NYAP2: variants seen among roughly 807,000 people sequenced by gnomAD.
NYAP2 encodes the protein neuronal tyrosine-phosphorylated phosphoinositide-3-kinase adaptor 2.
NYAP2 carries 23 observed loss-of-function variants against 50.4 expected under a neutral mutation model. The observed-to-expected ratio is 0.46, with a 90% CI of 0.33 to 0.65. The LOEUF is 0.65. Among genes scored for constraint, NYAP2 ranks in the 30% least tolerant of loss-of-function variants. The pLI is 0.02. For missense variants in NYAP2, 885 were observed against 861.0 expected (o/e 1.03, Z -0.35); for synonymous variants, 394 against 365.2 (o/e 1.08, Z -0.90).
intron 3 of NYAP2, among the ~76,000 whole-genome samples, chr2:225,451,686 A>G (rs1295404570): frequency 1.3e-5 from 2 of 152,212 alleles, no homozygotes; most frequent in Non-Finnish European, 2.9e-5. Context: ...TTACGCAGGT[A>G]CAAGTTTCTG....
chr2:225,506,832 C>T (rs1690715536), intron 3 of NYAP2, among the ~76,000 whole-genome samples: 1 of 152,108 alleles, frequency 6.6e-6, no homozygotes, highest in African/African-American at 2.4e-5. Flanking sequence ...GCTGTAACCA[C>T]CACCATTTCC....
At chr2:225,642,958 C>T (rs1169802383) in intron 6 of NYAP2, among the ~76,000 whole-genome samples, 1 of 152,052 alleles carries the variant, frequency 6.6e-6, no homozygotes, top group East Asian at 1.9e-4. Flanking sequence ...TTGAGTTATG[C>T]ATAATTCTAT....
rs77380299 is a variant in NYAP2 at position 225,497,153 on chromosome 2, G to A, written c.222-16218G>A. Among the ~76,000 whole-genome samples the A allele has an allele frequency of 1.4e-3, 212 of 152,288 alleles. 3 individuals are homozygous for A. The highest frequency in any genetic ancestry group is 9.1e-3 in the Admixed American group (139 of 15,286). ...ATTTTGTAGAAGAAAACCAATCAGG[G>A]AAAGTGCATTGTTCCCAGAAAGCTA... On this transcript the variant is annotated intron_variant, in intron 3 of 6. Transcript: ENST00000636099.
intron 4 of NYAP2, among the ~76,000 whole-genome samples, chr2:225,562,388 A>G (rs958030411): frequency 6.6e-6 from 1 of 152,062 alleles, no homozygotes; most frequent in Non-Finnish European, 1.5e-5. Context: ...TATCTCTATG[A>G]ATTTAGGAAT....
In NYAP2 at chr2:225,624,784, T is replaced by C. The variant is rs75346477; in HGVS notation, c.1619-2133T>C. Among the ~76,000 whole-genome samples the C allele has an allele frequency of 5.4e-3, 815 of 152,274 alleles. 9 individuals carry two copies. Among genetic ancestry groups the C allele is most frequent in the African/African-American group, 0.019 (784 of 41,566 alleles). ...TTTTAAACTGTAGAATATTATCAGA[T>C]TTTTAAAATAAAATCAAGGAAGTTA... On this transcript the variant is annotated intron_variant, in intron 5 of 6. Transcript: ENST00000636099.
At chr2:225,575,805 T>G (rs1320786446) in intron 4 of NYAP2, among the ~76,000 whole-genome samples, 1 of 152,220 alleles carries the variant, frequency 6.6e-6, no homozygotes. Flanking sequence ...GCCAGATGTG[T>G]TCTGGCTTAG....
At chr2:225,483,214 A>G (rs919632042) in intron 3 of NYAP2, among the ~76,000 whole-genome samples, 3 of 152,198 alleles carry the variant, frequency 2.0e-5, no homozygotes, top group Non-Finnish European at 4.4e-5. Context: ...TCACAAAATA[A>G]TAATAATAAA....
At chr2:225,505,124 G>GT (rs1396380739) in intron 3 of NYAP2, among the ~76,000 whole-genome samples, 1 of 150,900 alleles carries the variant, frequency 6.6e-6, no homozygotes, top group African/African-American at 2.4e-5. Flanking sequence ...ATTTTATTTT[G>GT]TTTTTCTATA....
chr2:225,409,722 G>A (rs1326574832), intron 3 of NYAP2, among the ~76,000 whole-genome samples: 1 of 151,996 alleles, frequency 6.6e-6, no homozygotes, highest in African/African-American at 2.4e-5. Flanking sequence ...TCCAAATTGA[G>A]GTTAAATTTC....
At chr2:225,506,462 G>C (rs931816259) in intron 3 of NYAP2, among the ~76,000 whole-genome samples, 10 of 152,320 alleles carry the variant, frequency 6.6e-5, no homozygotes, top group Admixed American at 2.0e-4. Flanking sequence ...TTGTCAAACA[G>C]GAAGAGGTGT....
intron 4 of NYAP2, among the ~76,000 whole-genome samples, chr2:225,548,436 T>C (rs534546526): frequency 6.6e-6 from 1 of 151,752 alleles, no homozygotes; most frequent in African/African-American, 2.4e-5. Flanking sequence ...CAAATATAAG[T>C]ATTTACAATA....
chr2:225,630,660 A>G (rs762689371), intron 6 of NYAP2, among the ~76,000 whole-genome samples: 2 of 152,212 alleles, frequency 1.3e-5, no homozygotes, highest in Non-Finnish European at 2.9e-5. Context: ...TAAGCAGTAG[A>G]TGGTGTCTGC....
At chr2:225,437,154 T>G (rs1270429031) in intron 3 of NYAP2, among the ~76,000 whole-genome samples, 1 of 152,148 alleles carries the variant, frequency 6.6e-6, no homozygotes, top group Non-Finnish European at 1.5e-5. Context: ...GTCTAGTTTC[T>G]AAAACCAAGC....
chr2:225,643,031 G>A (rs973678358), intron 6 of NYAP2, among the ~76,000 whole-genome samples: 8 of 152,078 alleles, frequency 5.3e-5, no homozygotes, highest in African/African-American at 1.2e-4. Context: ...GAAAACAGGA[G>A]TAAAATAAAT....
At chr2:225,578,964 G>A (rs1692218454) in intron 4 of NYAP2, among the ~76,000 whole-genome samples, 1 of 152,038 alleles carries the variant, frequency 6.6e-6, no homozygotes, top group Non-Finnish European at 1.5e-5. Context: ...TTCTGATGAG[G>A]GCTCTCTACT....
chr2:225,446,237 T>G (rs1689555315), intron 3 of NYAP2, among the ~76,000 whole-genome samples: 1 of 102,496 alleles, frequency 9.8e-6, no homozygotes, highest in Non-Finnish European at 1.9e-5. Context: ...TCTCTCTCTC[T>G]CTCTCTCTCT....
chr2:225,625,014 G>A lies in NYAP2; in HGVS notation c.1619-1903G>A, dbSNP rs188593600. Among the ~76,000 whole-genome samples, 9 of 103,524 alleles carry A rather than the reference G, an allele frequency of 8.7e-5. No individual in the cohort carries two copies. The East Asian group carries it at 2.9e-3, about 34-fold the overall frequency. 67.9% of individuals were successfully genotyped at this position (103,524 alleles called of 152,430 possible). A position where few individuals can be genotyped will look rare whatever the true frequency, so the allele number is the denominator to read the frequency against. On this transcript the variant is annotated intron_variant, in intron 5 of 6. Coordinates refer to ENST00000636099, the Ensembl canonical transcript of NYAP2. Reference sequence around the variant, plus strand: ...GTGACATTTGTGTTATCACACTGCTGAAAGTTGATAAGGATTTTAACCCAA... The same window carrying A: ...GTGACATTTGTGTTATCACACTGCTAAAAGTTGATAAGGATTTTAACCCAA...
chr2:225,452,620 G>A (rs1261880709), intron 3 of NYAP2, among the ~76,000 whole-genome samples: 1 of 152,038 alleles, frequency 6.6e-6, no homozygotes, highest in Non-Finnish European at 1.5e-5. Context: ...AGACAATTGC[G>A]GTTTCCCACT....
chr2:225,425,480 G>C (rs982291696), intron 3 of NYAP2, among the ~76,000 whole-genome samples: 10 of 152,130 alleles, frequency 6.6e-5, no homozygotes, highest in African/African-American at 2.2e-4. Flanking sequence ...AGAAGGCAAG[G>C]GCACAAGTAC....
Sources: gnomAD v4.1 joint callset for allele counts (sites outside exome capture counted in the v4.1 genomes callset) on GRCh38, gnomAD v4.1.1 for gene constraint, MANE v1.5 for transcripts, NCBI Gene and HGNC (gene_info 2026-07-23, HGNC 2026-07-21) for gene names.